GRM7: variants seen among roughly 807,000 people sequenced by gnomAD.
GRM7 encodes metabotropic glutamate receptor 7.
In GRM7, 35 loss-of-function variants were observed where a neutral mutation model predicts 84.5. The observed-to-expected ratio is 0.41, with a 90% CI of 0.32 to 0.55. GRM7 has a LOEUF of 0.55. Among genes scored for constraint, GRM7 ranks in the 20% least tolerant of loss-of-function variants. The pLI, the probability that GRM7 is intolerant of heterozygous loss-of-function variation, is 0.19. For missense variants in GRM7, 1,003 were observed against 1,194.6 expected, an observed-to-expected ratio of 0.84 and a Z score of 2.36; for synonymous variants, 487 against 455.1, an observed-to-expected ratio of 1.07 and a Z score of -0.89.
chr3:7,309,157 C>T (rs1368493635), intron 4 of GRM7, among the ~76,000 whole-genome samples: 1 of 152,148 alleles, frequency 6.6e-6, no homozygotes, highest in Non-Finnish European at 1.5e-5. Flanking sequence ...AGGTACATTT[C>T]TTATAAAGAA....
chr3:7,179,766 C>A (rs982325980), intron 2 of GRM7, among the ~76,000 whole-genome samples: 3 of 152,136 alleles, frequency 2.0e-5, no homozygotes, highest in African/African-American at 7.2e-5. Flanking sequence ...GTACATGCCA[C>A]TAAGTCATAT....
chr3:7,317,260 A>C (rs9813385), intron 4 of GRM7, among the ~76,000 whole-genome samples: 29,670 of 151,922 alleles, frequency 0.2, 3,776 homozygotes, highest in African/African-American at 0.35. Flanking sequence ...ATTCCCACCA[A>C]CCTCTTCCCA....
intron 7 of GRM7, among the ~76,000 whole-genome samples, chr3:7,577,087 A>C (rs1695003769): frequency 6.6e-6 from 1 of 152,156 alleles, no homozygotes; most frequent in African/African-American, 2.4e-5. Context: ...TCCAGTGAAA[A>C]CAAATATTTT....
At chr3:7,046,826 C>G (rs1696821766) in intron 1 of GRM7, among the ~76,000 whole-genome samples, 1 of 152,000 alleles carries the variant, frequency 6.6e-6, no homozygotes, top group Non-Finnish European at 1.5e-5. Flanking sequence ...GTCATTCCCA[C>G]AAAGTATTGC....
chr3:7,271,117 A>G (rs1698837500), intron 2 of GRM7, among the ~76,000 whole-genome samples: 2 of 152,196 alleles, frequency 1.3e-5, no homozygotes, highest in Non-Finnish European at 2.9e-5. Context: ...AAAAGGAGGG[A>G]CATGAAGTCT....
chr3:6,884,710 C>G (rs923912600), intron 1 of GRM7, among the ~76,000 whole-genome samples: 2 of 152,034 alleles, frequency 1.3e-5, no homozygotes, highest in Admixed American at 6.6e-5. Context: ...AGCAATTCTC[C>G]TGCCTCAGCC....
intron 9 of GRM7, among the ~76,000 whole-genome samples, chr3:7,690,211 G>A (rs1283398161): frequency 6.6e-6 from 1 of 152,050 alleles, no homozygotes; most frequent in Non-Finnish European, 1.5e-5. Flanking sequence ...GCAGCCTGAG[G>A]GTAGAAAGAC....
At chr3:7,721,010 G>A (rs1017316665) in intron 9 of GRM7, among the ~76,000 whole-genome samples, 10 of 152,312 alleles carry the variant, frequency 6.6e-5, no homozygotes, top group South Asian at 2.1e-4. Context: ...AGGATTAAAA[G>A]GGCCCATGAA....
intron 2 of GRM7, among the ~76,000 whole-genome samples, chr3:7,200,216 A>G (rs1457974984): frequency 6.6e-6 from 1 of 152,142 alleles, no homozygotes; most frequent in Admixed American, 6.6e-5. Context: ...TTCCCCCATA[A>G]TACAAACACC....
chr3:7,222,215 G>C (rs1006531702), intron 2 of GRM7, among the ~76,000 whole-genome samples: 5 of 151,988 alleles, frequency 3.3e-5, no homozygotes, highest in African/African-American at 1.2e-4. Flanking sequence ...TTTTTGTCAG[G>C]TATGGTGGGC....
intron 1 of GRM7, among the ~76,000 whole-genome samples, chr3:6,972,462 T>C (rs1406306778): frequency 1.3e-5 from 2 of 152,300 alleles, no homozygotes; most frequent in East Asian, 3.9e-4. Context: ...ATACAAATCA[T>C]GTGAGGTTCC....
Position 6,861,669 on chromosome 3 carries a change from A to C in GRM7, c.281A>C (p.Asn94Thr), listed in dbSNP as rs145154373. The C allele has an allele frequency of 1.9e-6, 3 of 1,613,918 alleles. No individual in the cohort carries two copies. The African/African-American group carries it at 4.0e-5, about 22-fold the overall frequency. Residue 94 changes from asparagine to threonine, a missense_variant, in exon 1 of 10, where the codon AAC (asparagine) becomes ACC (threonine). Asn to Thr is a moderately conservative substitution (Grantham distance 65). Around this residue, in one of 2 missense-constraint regions of GRM7, gnomAD observed 910 missense variants for 1,126.0 expected, o/e 0.81. Coordinates refer to ENST00000357716, the MANE Select transcript of GRM7 (RefSeq NM_000844.4). The surrounding 1 kb of genome is among the most constrained non-coding windows in gnomAD (Gnocchi z 6.4). Reference sequence around the variant, plus strand: ...CTGGACCAGATCAACAGTGATCCCAACCTACTGCCCAACGTGACGCTGGGC... The same window carrying C: ...CTGGACCAGATCAACAGTGATCCCACCCTACTGCCCAACGTGACGCTGGGC... ...YALDQINSDPNLLPNVTLGAR... is the reference protein window; with the variant it reads ...YALDQINSDPTLLPNVTLGAR...
intron 1 of GRM7, among the ~76,000 whole-genome samples, chr3:6,959,021 G>T (rs17046472): frequency 5.3e-4 from 81 of 152,182 alleles, no homozygotes; most frequent in Non-Finnish European, 9.4e-4. Flanking sequence ...CCCTGTAGGC[G>T]TCATTTGATT....
chr3:7,448,714 T>C (rs976199457), intron 5 of GRM7, among the ~76,000 whole-genome samples: 8 of 152,190 alleles, frequency 5.3e-5, no homozygotes. Context: ...ACGTAAGTCT[T>C]CTCAGAGCCT....
intron 4 of GRM7, among the ~76,000 whole-genome samples, chr3:7,372,801 G>T (rs1694194578): frequency 6.6e-6 from 1 of 152,030 alleles, no homozygotes; most frequent in Non-Finnish European, 1.5e-5. Context: ...TGGTGTATGT[G>T]ACAGGGGTGT....
chr3:7,389,207 A>G (rs530329038), intron 4 of GRM7, among the ~76,000 whole-genome samples: 1 of 152,116 alleles, frequency 6.6e-6, no homozygotes, highest in South Asian at 2.1e-4. Context: ...CTTGGTATTG[A>G]TTTTGGTATT....
chr3:7,330,145 C>G (rs140546330), intron 4 of GRM7, among the ~76,000 whole-genome samples: 4 of 152,242 alleles, frequency 2.6e-5, no homozygotes, highest in African/African-American at 7.2e-5. Flanking sequence ...CCCAAAAGGT[C>G]TCGTAAAAGC....
intron 2 of GRM7, among the ~76,000 whole-genome samples, chr3:7,264,717 C>A (rs1259072451): frequency 2.6e-5 from 4 of 152,170 alleles, no homozygotes; most frequent in Non-Finnish European, 4.4e-5. Flanking sequence ...GACCATCTTG[C>A]CTACCTCTCC....
intron 1 of GRM7, among the ~76,000 whole-genome samples, chr3:7,057,021 G>C (rs189713775): frequency 1.3e-5 from 2 of 151,874 alleles, no homozygotes; most frequent in South Asian, 2.1e-4. Context: ...TTTTGTAGGG[G>C]AAGTCTGTAT....
Sources: allele counts gnomAD v4.1 joint callset (sites outside exome capture counted in the v4.1 genomes callset), GRCh38; gene constraint gnomAD v4.1.1; regional missense constraint gnomAD v4.1.1; non-coding constraint Gnocchi (gnomAD v3.1); transcripts MANE v1.5; gene names NCBI Gene and HGNC (gene_info 2026-07-23, HGNC 2026-07-21).